RPH3A: variants seen among roughly 807,000 people sequenced by gnomAD.
RPH3A encodes the protein rabphilin-3A.
RPH3A carries 48 observed loss-of-function variants against 102.2 expected under a neutral mutation model. That is an observed-to-expected ratio of 0.47 (90% confidence interval 0.37 to 0.60). The LOEUF is 0.60. RPH3A is among the 20% of genes least tolerant of loss of function. The probability of loss-of-function intolerance (pLI) is 0.00; values close to 1 mark genes in which losing one functional copy is unlikely to be tolerated. For missense variants in RPH3A, 781 were observed against 910.1 expected (o/e 0.86, Z 1.83); for synonymous variants, 310 against 324.3 (o/e 0.96, Z 0.47).
At chr12:112,745,800 G>A (rs753402639) in intron 1 of RPH3A, among the ~76,000 whole-genome samples, 2 of 152,156 alleles carry the variant, frequency 1.3e-5, no homozygotes, top group African/African-American at 2.4e-5. Flanking sequence ...TCATCTTCCA[G>A]CAATGGCCAT....
At chr12:112,679,176 C>T (rs867609114) in intron 1 of RPH3A, among the ~76,000 whole-genome samples, 2 of 151,612 alleles carry the variant, frequency 1.3e-5, no homozygotes, top group Non-Finnish European at 2.9e-5. Flanking sequence ...TTTTTTGAGA[C>T]GGAGTCTCAT....
At chr12:112,766,573 G>A (rs931039212) in intron 1 of RPH3A, among the ~76,000 whole-genome samples, 7 of 152,160 alleles carry the variant, frequency 4.6e-5, no homozygotes, top group African/African-American at 1.4e-4. Context: ...CCTAAGGAAG[G>A]CAAGCTTGGC....
intron 1 of RPH3A, among the ~76,000 whole-genome samples, chr12:112,782,201 T>C (rs955097846): frequency 2.0e-5 from 3 of 152,222 alleles, no homozygotes; most frequent in African/African-American, 7.2e-5. Flanking sequence ...ATCAGACAAA[T>C]GTGAGCTAAG....
At position 112,865,514 on chromosome 12, in the gene RPH3A, G is replaced by A; in HGVS notation, c.331G>A (p.Ala111Thr). The A allele has an allele frequency of 5.0e-6, 8 of 1,613,924 alleles. No homozygotes were observed. Among genetic ancestry groups the A allele is most frequent in the Non-Finnish European group, 6.8e-6 (8 of 1,179,990 alleles). Residue 111 changes from alanine (A) to threonine (T), a missense_variant, in exon 6 of 22, where the codon GCC becomes ACC. Physicochemically the swap from Ala to Thr is moderately conservative, Grantham distance 58 (BLOSUM62 0). Around this residue, in one of 2 missense-constraint regions of RPH3A, gnomAD observed 730 missense variants for 810.0 expected, o/e 0.90. Transcript: ENST00000389385. ...AGAACAGCTGGGGATGCTGGGCTCTGCCTGTGTAGTATGTGAGGACTGTAA... is the reference window on the plus strand; with the variant it reads ...AGAACAGCTGGGGATGCTGGGCTCTACCTGTGTAGTATGTGAGGACTGTAA... ...CGEQLGMLGS[A>T]CVVCEDCKKN...
At chr12:112,719,816 A>G (rs1308879312) in intron 1 of RPH3A, among the ~76,000 whole-genome samples, 1 of 152,230 alleles carries the variant, frequency 6.6e-6, no homozygotes, top group Admixed American at 6.5e-5. Context: ...CCATCTTGTC[A>G]TACTGATAGA....
intron 1 of RPH3A, among the ~76,000 whole-genome samples, chr12:112,758,495 A>G (rs762992947): frequency 6.6e-6 from 1 of 152,220 alleles, no homozygotes; most frequent in Non-Finnish European, 1.5e-5. Context: ...GACCGTGAGG[A>G]AGGTTTAAAA....
intron 1 of RPH3A, among the ~76,000 whole-genome samples, chr12:112,760,543 A>G (rs2040848529): frequency 6.6e-6 from 1 of 152,226 alleles, no homozygotes; most frequent in Admixed American, 6.5e-5. Context: ...TACACTTGTG[A>G]AGTTATAATG....
intron 1 of RPH3A, among the ~76,000 whole-genome samples, chr12:112,701,246 A>G (rs1301364486): frequency 6.6e-6 from 1 of 152,212 alleles, no homozygotes; most frequent in South Asian, 2.1e-4. Context: ...TTGAACAGAA[A>G]AAGAGGTCAC....
At chr12:112,875,873 C>T (rs2042789527) in intron 12 of RPH3A, 132 bp downstream of exon 12, 5 of 658,512 alleles carry the variant, frequency 7.6e-6, no homozygotes, top group Non-Finnish European at 1.3e-5. Flanking sequence ...CTAAACAGCT[C>T]CCCCGAGTCT....
chr12:112,745,005 T>C (rs1377730881), intron 1 of RPH3A, among the ~76,000 whole-genome samples: 1 of 152,220 alleles, frequency 6.6e-6, no homozygotes, highest in African/African-American at 2.4e-5. Context: ...CCAGTAATCT[T>C]CTCTTTATTC....
intron 1 of RPH3A, chr12:112,695,149 T>G (rs2040340632): frequency 5.9e-6 from 1 of 170,374 alleles, no homozygotes; most frequent in Non-Finnish European, 1.5e-5. Context: ...ATTGTTTACT[T>G]GAAATTCAAA....
At chr12:112,711,963 G>A (rs2040466006) in intron 1 of RPH3A, among the ~76,000 whole-genome samples, 1 of 152,124 alleles carries the variant, frequency 6.6e-6, no homozygotes, top group African/African-American at 2.4e-5. Context: ...CTCCAGAGTA[G>A]CTGGGATTAC....
intron 2 of RPH3A, among the ~76,000 whole-genome samples, chr12:112,814,098 G>A (rs1295169832): frequency 6.6e-6 from 1 of 151,506 alleles, no homozygotes; most frequent in Non-Finnish European, 1.5e-5. Context: ...GAGTGTGTAG[G>A]GGAGGATGTG....
At chr12:112,753,292 G>A (rs140682858) in intron 1 of RPH3A, among the ~76,000 whole-genome samples, 3 of 152,238 alleles carry the variant, frequency 2.0e-5, no homozygotes, top group Non-Finnish European at 4.4e-5. Context: ...TTGTACCCAC[G>A]TCAAATCCTA....
chr12:112,672,610 C>T (rs2040141666), intron 1 of RPH3A, among the ~76,000 whole-genome samples: 1 of 152,178 alleles, frequency 6.6e-6, no homozygotes, highest in African/African-American at 2.4e-5. Flanking sequence ...CCTCCTAGCA[C>T]TCACCTCTGC....
rs115033819 is a variant in RPH3A, at chr12:112,606,611, C to T, written c.-140+31292C>T. On this transcript the variant is annotated intron_variant, in intron 1 of 21. Transcript: ENST00000543106. Reference sequence around the variant, plus strand: ...GACCAGGCTGATCTTGAACTCCTGACCTCAAGTGGAGCAAATAGGCTTAAT... The same window carrying T: ...GACCAGGCTGATCTTGAACTCCTGATCTCAAGTGGAGCAAATAGGCTTAAT... Among the ~76,000 whole-genome samples, 1,011 of 152,164 alleles carry T rather than the reference C, an allele frequency of 6.6e-3. 17 individuals are homozygous for T. Among genetic ancestry groups the T allele is most frequent in the African/African-American group, 0.023 (971 of 41,518 alleles).
intron 1 of RPH3A, among the ~76,000 whole-genome samples, chr12:112,721,611 A>C (rs1043534713): frequency 6.6e-6 from 1 of 151,738 alleles, no homozygotes; most frequent in Admixed American, 6.6e-5. Context: ...AGCCTACAGT[A>C]TTATAGAGCA....
chr12:112,600,951 G>C (rs1298593320), intron 1 of RPH3A, among the ~76,000 whole-genome samples: 1 of 152,196 alleles, frequency 6.6e-6, no homozygotes, highest in African/African-American at 2.4e-5. Flanking sequence ...GACGGCAGGA[G>C]AGAGAATGCA....
chr12:112,608,305 G>A (rs1247144731), intron 1 of RPH3A, among the ~76,000 whole-genome samples: 1 of 151,764 alleles, frequency 6.6e-6, no homozygotes, highest in African/African-American at 2.4e-5. Context: ...TAGTAGAGAT[G>A]GGGTTTCACC....
Sources: allele counts gnomAD v4.1 joint callset (sites outside exome capture counted in the v4.1 genomes callset), GRCh38; gene constraint gnomAD v4.1.1; regional missense constraint gnomAD v4.1.1; transcripts MANE v1.5; gene names NCBI Gene and HGNC (gene_info 2026-07-23, HGNC 2026-07-21).